The following SH3RF2 variants were observed in gnomAD, a reference collection of about 807,000 sequenced individuals.
SH3RF2 encodes SH3 domain containing ring finger 2, also known as E3 ubiquitin-protein ligase SH3RF2.
Under a neutral mutation model 59.0 loss-of-function variants are expected in SH3RF2, and 43 were observed. That is an observed-to-expected ratio of 0.73 (90% CI 0.57 to 0.94). The LOEUF is 0.94. SH3RF2 is among the 40% of genes least tolerant of loss of function. The pLI, the probability that SH3RF2 is intolerant of heterozygous loss-of-function variation, is 0.00. For missense variants in SH3RF2, 930 were observed against 940.1 expected (o/e 0.99, Z 0.14); for synonymous variants, 391 against 391.5 (o/e 1.00, Z 0.01).
chr5:145,960,796 A>C (rs1192366435), intron 2 of SH3RF2, among the ~76,000 whole-genome samples: 1 of 152,232 alleles, frequency 6.6e-6, no homozygotes, highest in Admixed American at 6.5e-5. Flanking sequence ...CCTAGGAAGA[A>C]TATTAACAGG....
At chr5:145,980,122 C>T (rs773246199) in intron 2 of SH3RF2, among the ~76,000 whole-genome samples, 12 of 152,100 alleles carry the variant, frequency 7.9e-5, no homozygotes, top group Non-Finnish European at 1.2e-4. Flanking sequence ...ACCTCTCAGC[C>T]CCAGAAGACA....
chr5:146,060,397 C>A (rs1275950005), intron 9 of SH3RF2, among the ~76,000 whole-genome samples, 173 bp downstream of exon 9: 1 of 152,154 alleles, frequency 6.6e-6, no homozygotes, highest in Non-Finnish European at 1.5e-5. Flanking sequence ...GGCCAACATC[C>A]CCAACATCAC....
chr5:145,963,566 A>G (rs999489981), intron 2 of SH3RF2, among the ~76,000 whole-genome samples: 1 of 152,212 alleles, frequency 6.6e-6, no homozygotes, highest in African/African-American at 2.4e-5. Context: ...TCATAACCAT[A>G]TTGAAAACAG....
chr5:146,045,299 T>C (rs983335697), intron 5 of SH3RF2, among the ~76,000 whole-genome samples: 1 of 152,256 alleles, frequency 6.6e-6, no homozygotes, highest in South Asian at 2.1e-4. Flanking sequence ...GATTGTGGAA[T>C]GGTTTCATTC....
chr5:146,039,487 GA>G (rs113958527), intron 5 of SH3RF2, among the ~76,000 whole-genome samples: 1,613 of 139,512 alleles, frequency 0.012, 32 homozygotes, highest in African/African-American at 0.04. Flanking sequence ...ATAAATATTT[GA>G]AAAAAAAAAA....
At chr5:145,965,003 C>A (rs976842404) in intron 2 of SH3RF2, among the ~76,000 whole-genome samples, 1 of 151,830 alleles carries the variant, frequency 6.6e-6, no homozygotes, top group Non-Finnish European at 1.5e-5. Flanking sequence ...GACTAGCCTG[C>A]GCAACACGGT....
At position 146,075,939 on chromosome 5, in the gene SH3RF2, T is replaced by C. The variant is rs139669919; in HGVS notation, c.*34-2521T>C. Among the ~76,000 whole-genome samples the C allele has an allele frequency of 3.0e-3, 457 of 152,276 alleles. 6 individuals carry two copies. Among genetic ancestry groups the C allele is most frequent in the African/African-American group, 9.9e-3 (411 of 41,564 alleles). The stretch of plus-strand genomic sequence containing the variant: ...ATTACCTGCCTAATCCCAAAACCCC[T>C]GGCCTGTAGACAGTGCTAATAAGGG... On this transcript the variant is annotated intron_variant, in intron 9 of 9. Transcript: ENST00000511217.
intron 9 of SH3RF2, among the ~76,000 whole-genome samples, chr5:146,075,762 A>G (rs1177288656): frequency 2.2e-5 from 3 of 138,604 alleles, no homozygotes; most frequent in Non-Finnish European, 4.6e-5. Flanking sequence ...CTTGGGCACA[A>G]TGGCGAAATT....
rs554078202 is a variant in SH3RF2 at position 146,012,189 on chromosome 5, A to C, written c.745-1558A>C. Among the ~76,000 whole-genome samples the C allele has an allele frequency of 1.6e-4, 25 of 152,208 alleles. No individual in the cohort carries two copies. In the South Asian group the frequency reaches 5.0e-3, roughly 30 times the overall value. On this transcript the variant is annotated intron_variant, in intron 4 of 9. Transcript: ENST00000359120. ...TTTATATGCTGGATTACATTTATTG[A>C]TTTGCGTATGTTGAACCAGCCTTGC...
intron 9 of SH3RF2, among the ~76,000 whole-genome samples, chr5:146,076,172 G>A (rs980595479): frequency 6.6e-6 from 1 of 152,112 alleles, no homozygotes; most frequent in Non-Finnish European, 1.5e-5. Flanking sequence ...CCCCTCACTT[G>A]TTCTCAGAAA....
At chr5:145,953,322 G>C (rs1758264660) in intron 2 of SH3RF2, among the ~76,000 whole-genome samples, 1 of 152,166 alleles carries the variant, frequency 6.6e-6, no homozygotes, top group African/African-American at 2.4e-5. Flanking sequence ...CAGGGAAGTG[G>C]GTTCCAATGA....
At chr5:145,966,529 CTTCTT>C (rs1480018875) in intron 2 of SH3RF2, among the ~76,000 whole-genome samples, 1 of 152,176 alleles carries the variant, frequency 6.6e-6, no homozygotes, top group Non-Finnish European at 1.5e-5. Flanking sequence ...TAAAAACTCA[CTTCTT>C]TTCTGTTATT....
intron 2 of SH3RF2, among the ~76,000 whole-genome samples, chr5:145,977,001 T>C (rs1001085414): frequency 3.9e-5 from 6 of 152,350 alleles, no homozygotes; most frequent in African/African-American, 1.4e-4. Context: ...AAGTAAGAAA[T>C]TGTTGCAGTG....
At chr5:145,952,174 T>C (rs1758217194) in intron 2 of SH3RF2, among the ~76,000 whole-genome samples, 1 of 152,168 alleles carries the variant, frequency 6.6e-6, no homozygotes, top group African/African-American at 2.4e-5. Flanking sequence ...GGGTCCCTGG[T>C]CCAGGGTTCA....
downstream of SH3RF2, among the ~76,000 whole-genome samples, chr5:146,067,440 C>T (rs945843581): frequency 1.3e-5 from 2 of 152,230 alleles, no homozygotes; most frequent in Non-Finnish European, 2.9e-5. Context: ...CCGCATCTCT[C>T]AAGTCCTCAT....
intron 2 of SH3RF2, among the ~76,000 whole-genome samples, chr5:145,972,927 T>C (rs185274770): frequency 2.4e-4 from 36 of 152,190 alleles, no homozygotes; most frequent in Middle Eastern, 3.4e-3. Flanking sequence ...CACAAGTAGA[T>C]AATAGAGCTA....
At chr5:146,058,019 G>A (rs1407529743) in intron 8 of SH3RF2, among the ~76,000 whole-genome samples, 1 of 147,802 alleles carries the variant, frequency 6.8e-6, no homozygotes, top group East Asian at 2.0e-4. Context: ...AACGAGAAAT[G>A]TTCACACTCA....
intron 2 of SH3RF2, among the ~76,000 whole-genome samples, chr5:145,978,507 A>T (rs1315073331): frequency 6.6e-6 from 1 of 152,182 alleles, no homozygotes; most frequent in African/African-American, 2.4e-5. Context: ...TTGAAAAATG[A>T]AATACTTAAG....
At chr5:146,005,202 T>C (rs964724010) in intron 4 of SH3RF2, among the ~76,000 whole-genome samples, 1 of 152,168 alleles carries the variant, frequency 6.6e-6, no homozygotes, top group Non-Finnish European at 1.5e-5. Flanking sequence ...AGGCTATGTA[T>C]AGCTCCAGTA....
Sources: allele counts gnomAD v4.1 joint callset (sites outside exome capture counted in the v4.1 genomes callset), GRCh38; gene constraint gnomAD v4.1.1; transcripts MANE v1.5; gene names NCBI Gene and HGNC (gene_info 2026-07-23, HGNC 2026-07-21).